The following AGBL4 variants were observed in gnomAD, a reference collection of about 807,000 sequenced individuals.
AGBL4 encodes the protein AGBL carboxypeptidase 4.
A neutral mutation model predicts 66.4 loss-of-function variants in AGBL4; 58 were observed. The observed-to-expected ratio is 0.87, with a 90% CI of 0.71 to 1.09. The LOEUF is 1.09. Among genes scored for constraint, AGBL4 ranks in the 50% least tolerant of loss-of-function variants. The probability of loss-of-function intolerance (pLI) is 0.00; values close to 1 mark genes in which losing one functional copy is unlikely to be tolerated. For synonymous variants in AGBL4, 234 were observed against 222.9 expected (o/e 1.05, Z -0.44); for missense variants, 579 against 631.0 (o/e 0.92, Z 0.88).
In AGBL4 at chr1:49,818,361, GTTTTTTTTGT is replaced by G. The variant is rs1645283584; in HGVS notation, c.157+33025_157+33034del. On this transcript the variant is annotated intron_variant, in intron 2 of 13. Transcript: ENST00000371839. ...AGTTTCTTGCTTTCTGTTTGTTTTT[GTTTTTTTTGT>G]TTTTTTTTTTTTGAGATGAGGTCTT... is the stretch of plus-strand genomic sequence containing the variant. Among the ~76,000 whole-genome samples the G allele has an allele frequency of 4.5e-5, 5 of 111,784 alleles. No homozygotes were observed. The South Asian group carries it at 1.1e-3, about 26-fold the overall frequency. The allele number at this position is 111,784 out of a possible 152,430, so 73.3% of individuals were successfully genotyped here. A position where few individuals can be genotyped will look rare whatever the true frequency, so the allele number is the denominator to read the frequency against.
At chr1:49,561,881 A>C (rs1201141708) in intron 3 of AGBL4, among the ~76,000 whole-genome samples, 2 of 152,216 alleles carry the variant, frequency 1.3e-5, no homozygotes, top group East Asian at 1.9e-4. Flanking sequence ...AGGAATTGCC[A>C]CACTGACTTC....
At chr1:50,003,377 T>C (rs1660908782) in intron 1 of AGBL4, among the ~76,000 whole-genome samples, 1 of 152,348 alleles carries the variant, frequency 6.6e-6, no homozygotes, top group East Asian at 1.9e-4. Context: ...AGGAGTTTCC[T>C]TAGATTCAGA....
chr1:49,885,532 T>C (rs965129366), intron 1 of AGBL4, among the ~76,000 whole-genome samples: 3 of 151,910 alleles, frequency 2.0e-5, no homozygotes, highest in African/African-American at 7.2e-5. Context: ...CAAATACACA[T>C]ACCCTAATTC....
At chr1:48,840,595 C>G (rs1646776502) in intron 6 of AGBL4, among the ~76,000 whole-genome samples, 1 of 152,080 alleles carries the variant, frequency 6.6e-6, no homozygotes, top group African/African-American at 2.4e-5. Flanking sequence ...ACCAATTAGA[C>G]TGGTGAGAAT....
intron 4 of AGBL4, among the ~76,000 whole-genome samples, chr1:49,115,589 GGA>G (rs148141722): frequency 6.6e-6 from 1 of 150,702 alleles, no homozygotes; most frequent in Admixed American, 6.6e-5. Context: ...GTGTTTGGAG[GGA>G]GAGAGAGAGA....
At chr1:49,416,165 G>A in intron 3 of AGBL4, among the ~76,000 whole-genome samples, 1 of 151,930 alleles carries the variant, frequency 6.6e-6, no homozygotes, top group East Asian at 1.9e-4. Context: ...GGTACATTTT[G>A]TTATGTTTAT....
chr1:49,288,420 A>T (rs1644466872), intron 3 of AGBL4, among the ~76,000 whole-genome samples: 1 of 152,034 alleles, frequency 6.6e-6, no homozygotes, highest in Admixed American at 6.6e-5. Flanking sequence ...TCTAGATCCA[A>T]CAGAGAGCAT....
At chr1:49,840,468 G>A (rs987740416) in intron 2 of AGBL4, among the ~76,000 whole-genome samples, 1 of 152,024 alleles carries the variant, frequency 6.6e-6, no homozygotes, top group Admixed American at 6.5e-5. Context: ...CAATCCTAGT[G>A]AAACTATTCC....
intron 6 of AGBL4, among the ~76,000 whole-genome samples, chr1:48,823,424 CTG>C (rs1646358365): frequency 6.6e-6 from 1 of 152,224 alleles, no homozygotes. Flanking sequence ...CTGGGGCAGA[CTG>C]AGTACTCTGG....
intron 5 of AGBL4, among the ~76,000 whole-genome samples, chr1:49,027,704 A>G (rs1213330074): frequency 2.6e-5 from 4 of 152,120 alleles, no homozygotes; most frequent in Non-Finnish European, 5.9e-5. Context: ...AAGAAGCTCT[A>G]TTCAAGGTGG....
At chr1:49,963,487 T>C (rs1246243110) in intron 1 of AGBL4, among the ~76,000 whole-genome samples, 1 of 152,184 alleles carries the variant, frequency 6.6e-6, no homozygotes, top group Admixed American at 6.6e-5. Context: ...TATTCATCAG[T>C]TAGCTAGCTC....
At chr1:49,817,437 A>G (rs61785462) in intron 2 of AGBL4, among the ~76,000 whole-genome samples, 1 of 152,204 alleles carries the variant, frequency 6.6e-6, no homozygotes, top group Non-Finnish European at 1.5e-5. Flanking sequence ...ATTATGGGAT[A>G]AAATTTTCCT....
chr1:48,930,124 G>T (rs994254157), intron 5 of AGBL4, among the ~76,000 whole-genome samples: 8 of 152,036 alleles, frequency 5.3e-5, no homozygotes, highest in African/African-American at 1.7e-4. Context: ...CTTTTACCTA[G>T]CTTGCTGTAC....
At chr1:49,231,502 T>C (rs970759745) in intron 4 of AGBL4, among the ~76,000 whole-genome samples, 1 of 152,182 alleles carries the variant, frequency 6.6e-6, no homozygotes, top group Non-Finnish European at 1.5e-5. Context: ...TAGGGTGGAA[T>C]GCAGGCTGCT....
chr1:50,023,826 G>T lies in AGBL4; in HGVS notation c.-30C>A. 1.3e-6 allele frequency: 2 copies of T among 1,546,738 alleles called. No homozygotes were observed. The highest frequency in any genetic ancestry group is 1.7e-6 in the Non-Finnish European group (2 of 1,144,922). ...GTTGTCCCTCAGTCTCCGAGCTCAC[G>T]CGAAGACCGCGGGGCAGTAGGGAGC... is the stretch of plus-strand genomic sequence containing the variant. On this transcript the variant is annotated 5_prime_UTR_variant, in exon 1 of 14. Transcript: ENST00000371839.
At chr1:49,957,194 G>C (rs1382272252) in intron 1 of AGBL4, among the ~76,000 whole-genome samples, 1 of 151,912 alleles carries the variant, frequency 6.6e-6, no homozygotes, top group Non-Finnish European at 1.5e-5. Context: ...GTTTTAACAA[G>C]AATGGGCACA....
intron 6 of AGBL4, among the ~76,000 whole-genome samples, chr1:48,859,222 C>T (rs1647285628): frequency 6.6e-6 from 1 of 152,086 alleles, no homozygotes; most frequent in African/African-American, 2.4e-5. Flanking sequence ...GAATAACTTC[C>T]AACTGGCAAC....
rs546737108 is a variant in AGBL4, at chr1:49,482,100, T to C, written c.282+215213A>G. On this transcript the variant is annotated intron_variant, in intron 3 of 13. Transcript: ENST00000371839. ...CCTGAAGTTTTCTGTTTTTGTTGTA[T>C]CTCTGCCAGGTTTTGGTATCAGGAT... Among the ~76,000 whole-genome samples the C allele has an allele frequency of 1.1e-3, 165 of 151,998 alleles. 1 individual carries two copies. The highest frequency in any genetic ancestry group is 2.0e-3 in the Non-Finnish European group (137 of 67,954).
At chr1:49,167,616 T>G (rs996416259) in intron 4 of AGBL4, among the ~76,000 whole-genome samples, 10 of 152,194 alleles carry the variant, frequency 6.6e-5, no homozygotes, top group Non-Finnish European at 1.5e-4. Flanking sequence ...AGAAAGAGCA[T>G]AGCAGGCCAA....
Sources: allele counts gnomAD v4.1 joint callset (sites outside exome capture counted in the v4.1 genomes callset), GRCh38; gene constraint gnomAD v4.1.1; transcripts MANE v1.5; gene names NCBI Gene and HGNC (gene_info 2026-07-23, HGNC 2026-07-21).